The following CUBN variants were observed in gnomAD, a reference collection of about 807,000 sequenced individuals.
The protein encoded by CUBN is 460 kDa receptor.
A neutral mutation model predicts 405.3 loss-of-function variants in CUBN; 282 were observed. That is an observed-to-expected ratio of 0.70 (90% CI 0.63 to 0.77). CUBN has a LOEUF of 0.77. Among genes scored for constraint, CUBN ranks in the 30% least tolerant of loss-of-function variants. The pLI is 0.00. For missense variants in CUBN, 4,514 were observed against 4,475.2 expected (o/e 1.01, Z -0.25); for synonymous variants, 1,684 against 1,617.0 (o/e 1.04, Z -0.99).
At chr10:16,866,313 T>G (rs1023212368) in intron 59 of CUBN, among the ~76,000 whole-genome samples, 1 of 152,180 alleles carries the variant, frequency 6.6e-6, no homozygotes, top group Admixed American at 6.6e-5. Flanking sequence ...CAAGCAACTC[T>G]CTGGTATGAG....
chr10:17,021,854 CT>C (rs1236617361), intron 27 of CUBN, among the ~76,000 whole-genome samples: 1 of 152,112 alleles, frequency 6.6e-6, no homozygotes, highest in African/African-American at 2.4e-5. Context: ...TTGTTATGGG[CT>C]TGTGTGTCTT....
At chr10:17,070,787 C>T (rs149412898) in intron 19 of CUBN, among the ~76,000 whole-genome samples, 13 of 152,216 alleles carry the variant, frequency 8.5e-5, no homozygotes, top group African/African-American at 1.9e-4. Flanking sequence ...TTCCTATATA[C>T]AAGGTCATGT....
intron 24 of CUBN, 102 bp from the exon 25 acceptor site, chr10:17,045,290 C>G: frequency 9.2e-7 from 1 of 1,083,068 alleles, no homozygotes; most frequent in East Asian, 2.5e-5. Context: ...TCCTTTAAAT[C>G]AAATTGCACA....
In CUBN at chr10:16,888,481, G is replaced by T. The variant is rs1305733780; in HGVS notation, c.8841C>A (p.Thr2947=). 6 of 1,612,428 alleles carry T rather than the reference G, an allele frequency of 3.7e-6. No homozygotes were observed. The highest frequency in any genetic ancestry group is 5.1e-6 in the Non-Finnish European group (6 of 1,178,624). ...ACAGAGGATTAGCCTCTATGACATA[G>T]GTGCAATTCATGTTGTTGTCATATT... ...PKQYDNNMNC[T]YVIEANPLSV... is the part of the protein sequence containing the mutation. Residue 2947 remains threonine, a synonymous_variant, in exon 56 of 67, where the codon ACC becomes ACA. Transcript: ENST00000377833.
At chr10:17,042,151 T>C (rs1835034978) in intron 26 of CUBN, among the ~76,000 whole-genome samples, 1 of 152,234 alleles carries the variant, frequency 6.6e-6, no homozygotes, top group African/African-American at 2.4e-5. Context: ...TGTACATTTG[T>C]GGCTCTTCAA....
At chr10:16,927,821 A>T (rs1330238998) in intron 41 of CUBN, among the ~76,000 whole-genome samples, 2 of 152,234 alleles carry the variant, frequency 1.3e-5, no homozygotes, top group Non-Finnish European at 2.9e-5. Flanking sequence ...TATGGATATG[A>T]GCTGTGCTCT....
chr10:16,917,398 T>C (rs1841913564), intron 45 of CUBN, among the ~76,000 whole-genome samples: 1 of 152,100 alleles, frequency 6.6e-6, no homozygotes, highest in Non-Finnish European at 1.5e-5. Context: ...TATGATAAAG[T>C]TTGCTGTATA....
intron 38 of CUBN, 142 bp from the exon 39 acceptor site, chr10:16,937,926 A>G: frequency 1.4e-6 from 1 of 717,720 alleles, no homozygotes; most frequent in Non-Finnish European, 2.3e-6. Context: ...ATTTTAGCTT[A>G]AAACACATAC....
intron 17 of CUBN, among the ~76,000 whole-genome samples, chr10:17,077,120 A>G (rs1312057001): frequency 1.3e-5 from 2 of 152,216 alleles, no homozygotes; most frequent in South Asian, 2.1e-4. Context: ...CAAGGAAACA[A>G]CAAGAACCAA....
chr10:16,990,998 CTT>C (rs1833569024), intron 28 of CUBN, among the ~76,000 whole-genome samples: 2 of 152,066 alleles, frequency 1.3e-5, no homozygotes, highest in African/African-American at 4.8e-5. Context: ...AAATCCTTAG[CTT>C]TGTACCAAAG....
At chr10:16,873,218 A>G (rs1840409048) in intron 58 of CUBN, among the ~76,000 whole-genome samples, 1 of 152,192 alleles carries the variant, frequency 6.6e-6, no homozygotes, top group Admixed American at 6.5e-5. Flanking sequence ...CACATGCCAT[A>G]CGTATATCAC....
intron 8 of CUBN, among the ~76,000 whole-genome samples, chr10:17,111,326 A>G (rs1836767108): frequency 6.6e-6 from 1 of 152,188 alleles, no homozygotes; most frequent in African/African-American, 2.4e-5. Flanking sequence ...AAAATTTTTA[A>G]AATACATAGA....
At chr10:16,914,025 A>C (rs948526046) in intron 47 of CUBN, 33 bp from the exon 48 acceptor site, 1 of 1,609,532 alleles carries the variant, frequency 6.2e-7, no homozygotes. Context: ...AAAACTTTCA[A>C]TCAAATCAAA....
At position 17,068,711 on chromosome 10, in the gene CUBN, T is replaced by C; in HGVS notation, c.2685A>G (p.Ile895Met). The stretch of plus-strand genomic sequence containing the variant: ...TGTACACAGATGTTATAAATGAAGG[T>C]ATGTCTGTACCGCAATACTTTTTAT... ...PENKKYCGTD[I>M]PSFITSVYNF... Residue 895 changes from isoleucine (I) to methionine (M), a missense_variant, in exon 20 of 67, where the codon ATA (isoleucine) becomes ATG (methionine). Transcript: ENST00000377833. 1 of 1,612,286 alleles carries C rather than the reference T, an allele frequency of 6.2e-7. No individual in the cohort carries two copies. Among genetic ancestry groups the C allele is most frequent in the Non-Finnish European group, 8.5e-7 (1 of 1,178,588 alleles).
At position 16,851,255 on chromosome 10, in the gene CUBN, A is replaced by T; in HGVS notation, c.9643T>A (p.Cys3215Ser). ...CTTACCTTTACATAATCATAAAGGC[A>T]TCTTTGCCTAGTACTTGCTGCCTCC... ...ALEAASTRQRCLYDYVKLYDG... is the reference protein window; with the variant it reads ...ALEAASTRQRSLYDYVKLYDG... The change falls in exon 60 of 67, where the codon TGC becomes AGC. Residue 3215 changes from cysteine to serine, a missense_variant. Transcript: ENST00000377833. 1 of 1,613,956 alleles carries T rather than the reference A, an allele frequency of 6.2e-7. No individual in the cohort carries two copies. Among genetic ancestry groups the T allele is most frequent in the Non-Finnish European group, 8.5e-7 (1 of 1,179,826 alleles).
chr10:16,831,534 G>T, intron 64 of CUBN, 117 bp from the exon 65 acceptor site: 1 of 948,806 alleles, frequency 1.1e-6, no homozygotes, highest in Non-Finnish European at 1.7e-6. Context: ...TTTTTATACA[G>T]TTAAGAATGA....
Position 16,863,917 on chromosome 10 carries a change from C to T in CUBN, c.9454+5719G>A, listed in dbSNP as rs566792719. On this transcript the variant is annotated intron_variant, in intron 59 of 66. Coordinates refer to ENST00000377833, the MANE Select transcript of CUBN (RefSeq NM_001081.4). The stretch of plus-strand genomic sequence containing the variant: ...CAGGCAAAAACTCACAGGAGAGAAA[C>T]ACAGATGACCTAAATATTGAGTGTG... 3.9e-5 allele frequency among the ~76,000 whole-genome samples: 6 copies of T among 152,280 alleles called. No individual in the cohort carries two copies. The East Asian group carries it at 7.7e-4, about 20-fold the overall frequency.
chr10:17,045,856 G>C (rs1835120168), intron 24 of CUBN, 78 bp downstream of exon 24: 2 of 1,433,538 alleles, frequency 1.4e-6, no homozygotes, highest in Non-Finnish European at 9.8e-7. Flanking sequence ...ACAAGTGAGG[G>C]ACAGAGCATG....
intron 55 of CUBN, among the ~76,000 whole-genome samples, chr10:16,889,229 A>G (rs2131397533): frequency 6.6e-6 from 1 of 152,152 alleles, no homozygotes; most frequent in South Asian, 2.1e-4. Context: ...AACACACACA[A>G]GTACACACGT....
Sources: allele counts gnomAD v4.1 joint callset (sites outside exome capture counted in the v4.1 genomes callset), GRCh38; gene constraint gnomAD v4.1.1; transcripts MANE v1.5; gene names NCBI Gene and HGNC (gene_info 2026-07-23, HGNC 2026-07-21).